The following DMD variants were observed in gnomAD, a reference collection of about 807,000 sequenced individuals.
DMD encodes the protein mutant dystrophin.
In DMD, 63 loss-of-function variants were observed where a neutral mutation model predicts 330.1. The observed-to-expected ratio is 0.19, with a 90% confidence interval of 0.16 to 0.24. The LOEUF (loss-of-function observed/expected upper bound fraction) is 0.24. DMD is among the 10% of genes least tolerant of loss of function. The pLI is 1.00. For missense variants in DMD, 3,344 were observed against 2,684.1 expected (o/e 1.25, Z -5.43); for synonymous variants, 1,223 against 959.8 (o/e 1.27, Z -5.07).
At chrX:31,969,475 T>C (rs2095379887) in intron 44 of DMD, among the ~76,000 whole-genome samples, 1 of 111,496 alleles carries the variant, frequency 9.0e-6, no homozygotes, top group South Asian at 3.7e-4. Flanking sequence ...CAAATCCTTA[T>C]GTCACTGACA....
In DMD at chrX:32,343,140, T is replaced by C. The variant is rs1450923337; in HGVS notation, c.5733A>G (p.Lys1911=). The change falls in exon 40 of 79, where the codon AAA becomes AAG. Residue 1911 remains lysine (K), a synonymous_variant. Transcript: ENST00000357033. Reference sequence around the variant, plus strand: ...CATTCTAAAACAACATTACCTTTATTTTCCTTTCATCTCTGGGCTCAGGTA... The same window carrying C: ...CATTCTAAAACAACATTACCTTTATCTTCCTTTCATCTCTGGGCTCAGGTA... The part of the protein sequence containing the change: ...ASLPEPRDER[K]IKEIDRELQK... 3 of 1,210,335 alleles carry C rather than the reference T, an allele frequency of 2.5e-6. No homozygotes were observed. Among genetic ancestry groups the C allele is most frequent in the South Asian group, 3.5e-5 (2 of 56,941 alleles).
At chrX:33,215,185 C>T (rs780900684), upstream of DMD, among the ~76,000 whole-genome samples, 2 of 109,154 alleles carry the variant, frequency 1.8e-5, no homozygotes, top group East Asian at 5.8e-4. Context: ...AAAATACAGC[C>T]GTGATGTCAG....
At chrX:31,954,347 C>A (rs990800454) in intron 45 of DMD, among the ~76,000 whole-genome samples, 4 of 111,594 alleles carry the variant, frequency 3.6e-5, no homozygotes, top group Non-Finnish European at 7.5e-5. Context: ...CTTTCAACCT[C>A]TGAAACACTC....
At chrX:31,857,546 T>G (rs1002374934) in intron 48 of DMD, among the ~76,000 whole-genome samples, 3 of 110,434 alleles carry the variant, frequency 2.7e-5, no homozygotes, top group Non-Finnish European at 3.8e-5. Context: ...TTTCATTAAC[T>G]ATATTATTTG....
chrX:31,750,566 T>C (rs78104278), intron 51 of DMD, among the ~76,000 whole-genome samples: 5 of 111,020 alleles, frequency 4.5e-5, no homozygotes, highest in African/African-American at 1.6e-4. Context: ...TATAGAAGCA[T>C]TCCCTTTGAA....
intron 62 of DMD, among the ~76,000 whole-genome samples, chrX:31,299,376 C>A (rs779191068): frequency 9.0e-6 from 1 of 111,674 alleles, no homozygotes; most frequent in Admixed American, 9.5e-5. Context: ...GCACATCTCC[C>A]TAACAGTACA....
intron 44 of DMD, among the ~76,000 whole-genome samples, chrX:32,065,545 T>A (rs1433667974): frequency 8.9e-6 from 1 of 112,006 alleles, no homozygotes; most frequent in Non-Finnish European, 1.9e-5. Context: ...TATCAACATA[T>A]CCTGTATTTG....
intron 1 of DMD, among the ~76,000 whole-genome samples, chrX:33,253,174 A>T (rs1169469704): frequency 8.9e-6 from 1 of 112,013 alleles, no homozygotes; most frequent in African/African-American, 3.2e-5. Flanking sequence ...CAAAATATGT[A>T]CAACTATTAT....
chrX:33,113,279 A>G (rs899067913), intron 1 of DMD, among the ~76,000 whole-genome samples: 11 of 109,073 alleles, frequency 1.0e-4, no homozygotes, highest in Non-Finnish European at 2.1e-4. Flanking sequence ...CTGGTCTCAA[A>G]CTCCTGACCT....
chrX:31,838,474 A>G (rs1041008364), intron 48 of DMD, among the ~76,000 whole-genome samples: 1 of 112,270 alleles, frequency 8.9e-6, no homozygotes, highest in African/African-American at 3.2e-5. Context: ...CATTACACAT[A>G]TAAACTGACA....
intron 13 of DMD, among the ~76,000 whole-genome samples, chrX:32,591,745 ATGCTTCCAGG>A (rs1476655929): frequency 1.8e-5 from 2 of 112,372 alleles, no homozygotes; most frequent in Non-Finnish European, 3.8e-5. Context: ...TGGGAGCCCC[ATGCTTCCAGG>A]TGCAGCTGCA....
intron 74 of DMD, among the ~76,000 whole-genome samples, chrX:31,157,267 A>T (rs865870943): frequency 1.8e-5 from 2 of 112,043 alleles, no homozygotes; most frequent in Admixed American, 1.9e-4. Flanking sequence ...CTTAATCTTT[A>T]ATGACTGAGA....
chrX:32,427,411 G>A (rs2098217575), intron 29 of DMD, among the ~76,000 whole-genome samples: 2 of 110,946 alleles, frequency 1.8e-5, no homozygotes, highest in Admixed American at 9.6e-5. Flanking sequence ...GGAATAATTA[G>A]CATGTAAATT....
chrX:32,853,772 A>G (rs1302000555), intron 2 of DMD, among the ~76,000 whole-genome samples: 1 of 106,344 alleles, frequency 9.4e-6, no homozygotes, highest in African/African-American at 3.4e-5. Context: ...AGTGACAGAA[A>G]AAAAAAAAAA....
chrX:31,315,112 GC>G (rs1242728491), intron 62 of DMD, among the ~76,000 whole-genome samples: 2 of 111,915 alleles, frequency 1.8e-5, no homozygotes, highest in Non-Finnish European at 3.8e-5. Context: ...CCTAGGAGAG[GC>G]CCGGGAATGT....
chrX:31,362,799 A>T (rs1759811333), intron 60 of DMD, among the ~76,000 whole-genome samples: 2 of 111,989 alleles, frequency 1.8e-5, no homozygotes, highest in East Asian at 2.8e-4. Context: ...AAAAAAATTA[A>T]ATTAGCCGGG....
intron 44 of DMD, among the ~76,000 whole-genome samples, chrX:32,075,462 T>A (rs1377825725): frequency 8.9e-6 from 1 of 112,011 alleles, no homozygotes; most frequent in Non-Finnish European, 1.9e-5. Context: ...ATGAGGGCAT[T>A]GGAAGGCAAA....
intron 53 of DMD, among the ~76,000 whole-genome samples, chrX:31,659,681 C>T (rs1416348578): frequency 4.0e-5 from 4 of 99,721 alleles, no homozygotes; most frequent in African/African-American, 1.1e-4. Context: ...GAAACAATGT[C>T]GATGTTTAAT....
At position 32,768,927 on chromosome X, in the gene DMD, A is replaced by G. The variant is rs971144327; in HGVS notation, c.649+40566T>C. ...GGCATGGCTATATACATGTTTCATGAGCACACATCCCCTTCATGTGGAAAG... is the reference window on the plus strand; with the variant it reads ...GGCATGGCTATATACATGTTTCATGGGCACACATCCCCTTCATGTGGAAAG... On this transcript the variant is annotated intron_variant, in intron 7 of 78. Transcript: ENST00000357033. 2.7e-4 allele frequency among the ~76,000 whole-genome samples: 30 copies of G among 111,890 alleles called. 1 individual carries two copies. Among genetic ancestry groups the G allele is most frequent in the Admixed American group, 2.6e-3 (27 of 10,501 alleles).
Sources: allele counts gnomAD v4.1 joint callset (sites outside exome capture counted in the v4.1 genomes callset), GRCh38; gene constraint gnomAD v4.1.1; transcripts MANE v1.5; gene names NCBI Gene and HGNC (gene_info 2026-07-23, HGNC 2026-07-21).